The following KAZN variants were observed in gnomAD, a reference collection of about 807,000 sequenced individuals.
The protein encoded by KAZN is kazrin.
A neutral mutation model predicts 87.4 loss-of-function variants in KAZN; 40 were observed. The observed-to-expected ratio is 0.46, with a 90% CI of 0.36 to 0.60. The LOEUF (loss-of-function observed/expected upper bound fraction) is 0.60. KAZN is among the 20% of genes least tolerant of loss of function. The probability of loss-of-function intolerance (pLI) is 0.00; values close to 1 mark genes in which losing one functional copy is unlikely to be tolerated. For synonymous variants in KAZN, 466 were observed against 458.3 expected (o/e 1.02, Z -0.22); for missense variants, 898 against 1,073.9 (o/e 0.84, Z 2.29).
intron 1 of KAZN, among the ~76,000 whole-genome samples, chr1:14,815,082 C>T (rs970733325): frequency 6.6e-6 from 1 of 152,182 alleles, no homozygotes; most frequent in Non-Finnish European, 1.5e-5. Context: ...CTTCCTCTCT[C>T]ACGCATTTAC....
intron 1 of KAZN, among the ~76,000 whole-genome samples, chr1:14,717,917 G>A (rs551274723): frequency 2.8e-3 from 431 of 152,320 alleles, no homozygotes; most frequent in Non-Finnish European, 3.3e-3. Flanking sequence ...CTACCATCTT[G>A]CCTGCTGTTC....
At chr1:14,527,086 T>A (rs1024793350) in intron 2 of KAZN, among the ~76,000 whole-genome samples, 1 of 152,220 alleles carries the variant, frequency 6.6e-6, no homozygotes, top group Non-Finnish European at 1.5e-5. Flanking sequence ...AAACGATGTA[T>A]TATCATGTCT....
intron 1 of KAZN, among the ~76,000 whole-genome samples, chr1:13,908,121 A>G (rs879707081): frequency 6.6e-6 from 1 of 152,260 alleles, no homozygotes; most frequent in Non-Finnish European, 1.5e-5. Context: ...CCATTTTTCT[A>G]CTTGAAACAG....
At chr1:14,367,325 A>T (rs1375437643) in intron 2 of KAZN, among the ~76,000 whole-genome samples, 6 of 151,560 alleles carry the variant, frequency 4.0e-5, no homozygotes, top group African/African-American at 1.5e-4. Context: ...CTGCAGCCAG[A>T]CTCTTCTCTG....
chr1:15,087,729 T>C (rs535376245), intron 8 of KAZN, among the ~76,000 whole-genome samples: 4 of 152,352 alleles, frequency 2.6e-5, no homozygotes, highest in African/African-American at 9.6e-5. Context: ...TTACATGTTC[T>C]GTAGGCACAT....
chr1:14,867,010 G>A (rs1443628513), intron 1 of KAZN, among the ~76,000 whole-genome samples: 9 of 152,248 alleles, frequency 5.9e-5, no homozygotes. Context: ...GAAGCAGGAT[G>A]CTAAGTGAGG....
chr1:14,556,873 G>A (rs1256661096), intron 2 of KAZN, among the ~76,000 whole-genome samples: 2 of 152,090 alleles, frequency 1.3e-5, no homozygotes, highest in Admixed American at 6.6e-5. Context: ...AAATATTCCC[G>A]AGGACCCTTG....
intron 2 of KAZN, among the ~76,000 whole-genome samples, chr1:14,241,343 C>G (rs1648918916): frequency 6.6e-6 from 1 of 152,202 alleles, no homozygotes. Context: ...CTGCCCCATT[C>G]ATTGACATCA....
intron 1 of KAZN, among the ~76,000 whole-genome samples, chr1:14,004,305 GTGTT>G (rs1435130730): frequency 6.6e-6 from 1 of 152,206 alleles, no homozygotes; most frequent in Non-Finnish European, 1.5e-5. Context: ...TTTTGGAAAA[GTGTT>G]TGGCAGTATC....
chr1:14,432,734 A>G (rs1389124052), intron 2 of KAZN, among the ~76,000 whole-genome samples: 1 of 149,346 alleles, frequency 6.7e-6, no homozygotes, highest in Non-Finnish European at 1.5e-5. Flanking sequence ...CCCACCCCCA[A>G]CCCCCAAGAG....
chr1:13,954,152 C>A (rs779128018), intron 1 of KAZN, among the ~76,000 whole-genome samples: 1 of 152,066 alleles, frequency 6.6e-6, no homozygotes, highest in Non-Finnish European at 1.5e-5. Flanking sequence ...CGCAGTGAGC[C>A]GAGATTGCGC....
chr1:14,681,982 G>A (rs144077227), intron 1 of KAZN, among the ~76,000 whole-genome samples: 8 of 151,884 alleles, frequency 5.3e-5, no homozygotes, highest in South Asian at 4.2e-4. Context: ...CACCGCGCCC[G>A]GCCCATTTTA....
At chr1:14,042,289 T>C (rs7514368) in intron 1 of KAZN, among the ~76,000 whole-genome samples, 120,246 of 152,054 alleles carry the variant, frequency 0.79, 48,040 homozygotes, top group African/African-American at 0.9. Flanking sequence ...TTGGAAAATA[T>C]ACCCCCATCT....
chr1:14,711,465 G>A (rs1456007408), intron 1 of KAZN, among the ~76,000 whole-genome samples: 2 of 152,198 alleles, frequency 1.3e-5, no homozygotes, highest in Non-Finnish European at 2.9e-5. Flanking sequence ...ACGACACGCA[G>A]GTTCTAGCAT....
chr1:14,368,323 C>T (rs1660182054), intron 2 of KAZN, among the ~76,000 whole-genome samples: 1 of 152,096 alleles, frequency 6.6e-6, no homozygotes, highest in South Asian at 2.1e-4. Flanking sequence ...TCCCTGAGAG[C>T]CGGATTTTAG....
At chr1:13,895,690 A>G (rs771862148) in intron 1 of KAZN, among the ~76,000 whole-genome samples, 12 of 152,192 alleles carry the variant, frequency 7.9e-5, no homozygotes, top group African/African-American at 1.2e-4. Context: ...GTGTATGTGA[A>G]AATGATTCGC....
intron 1 of KAZN, among the ~76,000 whole-genome samples, chr1:14,106,770 T>C (rs1644383007): frequency 6.6e-6 from 1 of 152,160 alleles, no homozygotes; most frequent in Non-Finnish European, 1.5e-5. Context: ...GAATGATATA[T>C]TTTGAGATAG....
chr1:14,686,238 T>C (rs1052376765), intron 1 of KAZN, among the ~76,000 whole-genome samples: 4 of 152,160 alleles, frequency 2.6e-5, no homozygotes, highest in Admixed American at 2.6e-4. Context: ...CTAATTTTTG[T>C]ATTTTTGGTA....
chr1:14,971,355 G>C (rs1324455880), intron 2 of KAZN, among the ~76,000 whole-genome samples: 1 of 152,188 alleles, frequency 6.6e-6, no homozygotes, highest in East Asian at 1.9e-4. Flanking sequence ...CTGAGATTGC[G>C]CCGCGGCACG....
Sources: gnomAD v4.1 joint callset for allele counts (sites outside exome capture counted in the v4.1 genomes callset) on GRCh38, gnomAD v4.1.1 for gene constraint, MANE v1.5 for transcripts, NCBI Gene and HGNC (gene_info 2026-07-23, HGNC 2026-07-21) for gene names.